The following PTPRD variants were observed in gnomAD, a reference collection of about 807,000 sequenced individuals.
The protein encoded by PTPRD is protein tyrosine phosphatase receptor type D.
A neutral mutation model predicts 214.5 loss-of-function variants in PTPRD; 34 were observed. The observed-to-expected ratio is 0.16, with a 90% CI of 0.12 to 0.21. The LOEUF is 0.21. Ranked by LOEUF, PTPRD falls within the 10% of genes least tolerant of loss-of-function variation. The pLI, the probability that PTPRD is intolerant of heterozygous loss-of-function variation, is 1.00. For missense variants in PTPRD, 2,545 were observed against 2,398.7 expected (o/e 1.06, Z -1.27); for synonymous variants, 1,128 against 845.7 (o/e 1.33, Z -5.79).
intron 9 of PTPRD, among the ~76,000 whole-genome samples, chr9:9,381,761 G>A (rs761268178): frequency 3.5e-4 from 53 of 150,514 alleles, no homozygotes; most frequent in Admixed American, 7.3e-4. Context: ...TTTGCAATAC[G>A]AGTTTGCACT....
At chr9:9,889,151 G>A (rs1210663836) in intron 5 of PTPRD, among the ~76,000 whole-genome samples, 1 of 151,988 alleles carries the variant, frequency 6.6e-6, no homozygotes, top group Admixed American at 6.6e-5. Context: ...GGGAGATGTA[G>A]GTGAGAGGAT....
rs191148635 is a variant in PTPRD at position 8,721,197 on chromosome 9, G to C, written c.64+12583C>G. On this transcript the variant is annotated intron_variant, in intron 12 of 45. Transcript: ENST00000381196. ...TTATCCCAACACTTTGGGAAGCCGA[G>C]GCAGGGGGATCATCTGAGGTCAGGA... Among the ~76,000 whole-genome samples, 341 of 152,146 alleles carry C rather than the reference G, an allele frequency of 2.2e-3. 2 individuals carry two copies. The highest frequency in any genetic ancestry group is 4.3e-3 in the Non-Finnish European group (290 of 67,992).
chr9:10,170,900 T>C (rs1367258842), intron 3 of PTPRD, among the ~76,000 whole-genome samples: 3 of 152,146 alleles, frequency 2.0e-5, no homozygotes, highest in Non-Finnish European at 2.9e-5. Context: ...GACTGAACAC[T>C]GATTCAAGAA....
chr9:10,309,896 C>A (rs1200313040), intron 3 of PTPRD, among the ~76,000 whole-genome samples: 1 of 152,014 alleles, frequency 6.6e-6, no homozygotes, highest in African/African-American at 2.4e-5. Flanking sequence ...TGTGTTAGCA[C>A]CTTATCACTT....
intron 4 of PTPRD, among the ~76,000 whole-genome samples, chr9:10,014,750 T>C (rs2096667415): frequency 6.6e-6 from 1 of 152,040 alleles, no homozygotes; most frequent in African/African-American, 2.4e-5. Flanking sequence ...TCCATTAAAA[T>C]TATATGATAT....
intron 3 of PTPRD, among the ~76,000 whole-genome samples, chr9:10,098,725 G>A (rs1478484880): frequency 6.6e-6 from 1 of 151,664 alleles, no homozygotes; most frequent in African/African-American, 2.4e-5. Context: ...CAAGCCTTTA[G>A]AATGTCCAAG....
intron 7 of PTPRD, among the ~76,000 whole-genome samples, chr9:9,675,029 T>A (rs2096902580): frequency 6.6e-6 from 1 of 151,980 alleles, no homozygotes; most frequent in East Asian, 1.9e-4. Flanking sequence ...TGAATTCTTC[T>A]CATGTCAAGA....
At chr9:9,706,685 C>A (rs1481107596) in intron 7 of PTPRD, among the ~76,000 whole-genome samples, 1 of 152,074 alleles carries the variant, frequency 6.6e-6, no homozygotes, top group Non-Finnish European at 1.5e-5. Flanking sequence ...GGTGATCCGT[C>A]TGCCTCAGCC....
At chr9:8,544,560 C>A (rs1322971148) in intron 14 of PTPRD, among the ~76,000 whole-genome samples, 1 of 150,142 alleles carries the variant, frequency 6.7e-6, no homozygotes, top group Non-Finnish European at 1.5e-5. Flanking sequence ...ACCTCCACCT[C>A]CTGGGTTCCA....
chr9:9,872,057 T>C (rs1241458462), intron 5 of PTPRD, among the ~76,000 whole-genome samples: 1 of 152,060 alleles, frequency 6.6e-6, no homozygotes, highest in African/African-American at 2.4e-5. Flanking sequence ...CTATTGTCTG[T>C]GGTGGGGTCA....
chr9:8,319,076 A>G (rs1454527197), intron 45 of PTPRD, among the ~76,000 whole-genome samples: 1 of 152,052 alleles, frequency 6.6e-6, no homozygotes, highest in African/African-American at 2.4e-5. Flanking sequence ...AAGACCCATT[A>G]AGTTTGTCAA....
intron 12 of PTPRD, among the ~76,000 whole-genome samples, chr9:8,682,763 T>C (rs2097574686): frequency 6.6e-6 from 1 of 152,188 alleles, no homozygotes; most frequent in African/African-American, 2.4e-5. Flanking sequence ...GATTTAGTAA[T>C]ACTAATTACA....
chr9:8,480,615 G>A (rs1347865065), intron 30 of PTPRD, among the ~76,000 whole-genome samples: 1 of 152,084 alleles, frequency 6.6e-6, no homozygotes, highest in Admixed American at 6.6e-5. Context: ...AGGTAAATAC[G>A]TATCCCCAAA....
At chr9:8,859,216 T>G (rs913053234) in intron 11 of PTPRD, among the ~76,000 whole-genome samples, 17 of 152,282 alleles carry the variant, frequency 1.1e-4, no homozygotes, top group African/African-American at 4.1e-4. Context: ...GCTTTTATGT[T>G]GTTGGAAATG....
At chr9:9,860,126 A>C (rs933463079) in intron 5 of PTPRD, among the ~76,000 whole-genome samples, 1 of 152,252 alleles carries the variant, frequency 6.6e-6, no homozygotes, top group Non-Finnish European at 1.5e-5. Context: ...ATAAAACAAA[A>C]GCCAAATAAT....
intron 9 of PTPRD, among the ~76,000 whole-genome samples, chr9:9,250,329 A>G (rs1315309688): frequency 6.6e-6 from 1 of 152,078 alleles, no homozygotes; most frequent in Non-Finnish European, 1.5e-5. Context: ...GAAGAAGTAT[A>G]GGCATTGCTT....
chr9:9,956,143 T>C (rs2093914589), intron 4 of PTPRD, among the ~76,000 whole-genome samples: 2 of 152,198 alleles, frequency 1.3e-5, no homozygotes, highest in African/African-American at 2.4e-5. Context: ...CATTTCATCA[T>C]AAATATAATA....
chr9:10,563,223 G>A (rs954058234), intron 2 of PTPRD, among the ~76,000 whole-genome samples: 22 of 152,136 alleles, frequency 1.4e-4, no homozygotes, highest in African/African-American at 5.1e-4. Flanking sequence ...GAGCCAATAA[G>A]AACTCTTCCT....
rs1026977510 is a variant in PTPRD at position 8,708,122 on chromosome 9, C to T, written c.64+25658G>A. On this transcript the variant is annotated intron_variant, in intron 12 of 45. Transcript: ENST00000381196. ...ATCTCAATCCAACAAAAATGGATGC[C>T]GTGTATAAAATTTATATCTGTTCTT... 3.9e-5 allele frequency among the ~76,000 whole-genome samples: 6 copies of T among 152,210 alleles called. No homozygotes were observed. In the East Asian group the frequency reaches 1.2e-3, roughly 29 times the overall value.
Sources: allele counts gnomAD v4.1 joint callset (sites outside exome capture counted in the v4.1 genomes callset), GRCh38; gene constraint gnomAD v4.1.1; transcripts MANE v1.5; gene names NCBI Gene and HGNC (gene_info 2026-07-23, HGNC 2026-07-21).